Variants in ELOVL7 observed in about 807,000 individuals in gnomAD.
ELOVL7 encodes the protein very long chain fatty acid elongase 7.
In ELOVL7, 27 loss-of-function variants were observed where a neutral mutation model predicts 35.7. The observed-to-expected ratio is 0.76, with a 90% CI of 0.56 to 1.04. The LOEUF (loss-of-function observed/expected upper bound fraction) is 1.04, where lower values mean the gene tolerates loss of function less well. Among genes scored for constraint, ELOVL7 ranks in the 50% least tolerant of loss-of-function variants. The probability of loss-of-function intolerance (pLI) is 0.00; values close to 1 mark genes in which losing one functional copy is unlikely to be tolerated. For synonymous variants in ELOVL7, 113 were observed against 114.6 expected, an observed-to-expected ratio of 0.99 and a Z score of 0.09; for missense variants, 327 against 340.8, an observed-to-expected ratio of 0.96 and a Z score of 0.32.
intron 1 of ELOVL7, among the ~76,000 whole-genome samples, chr5:60,821,936 A>C (rs1328124564): frequency 6.6e-6 from 1 of 152,232 alleles, no homozygotes; most frequent in Non-Finnish European, 1.5e-5. Flanking sequence ...GATAGGGAAA[A>C]AAAGAAAAAA....
intron 1 of ELOVL7, among the ~76,000 whole-genome samples, chr5:60,800,992 G>C (rs769140149): frequency 6.6e-6 from 1 of 152,124 alleles, no homozygotes; most frequent in Non-Finnish European, 1.5e-5. Flanking sequence ...CAGTGGCATG[G>C]TCATGACTCA....
rs140931691 is a variant in ELOVL7 at position 60,827,454 on chromosome 5, A to G, written c.-86+16706T>C. ...CCCTATAAAAGCTGTCATGTCAAAT[A>G]TTTACAAATATCTTTCTAGGTAAAC... On this transcript the variant is annotated intron_variant, in intron 1 of 8. Coordinates refer to ENST00000508821, the MANE Select transcript of ELOVL7 (RefSeq NM_024930.3). Among the ~76,000 whole-genome samples, 482 of 152,314 alleles carry G rather than the reference A, an allele frequency of 3.2e-3. 1 individual carries two copies. Among genetic ancestry groups the G allele is most frequent in the Middle Eastern group, 0.01 (3 of 294 alleles).
Position 60,808,648 on chromosome 5 carries a change from T to C in ELOVL7, c.-85-9418A>G, listed in dbSNP as rs1019033531. On this transcript the variant is annotated intron_variant, in intron 1 of 8. Coordinates refer to ENST00000508821, the MANE Select transcript of ELOVL7 (RefSeq NM_024930.3). ...TTAACCCAAGACAAAGAAATACTTATATTCATTCCAAAACTTGTACATGAA... is the reference window on the plus strand; with the variant it reads ...TTAACCCAAGACAAAGAAATACTTACATTCATTCCAAAACTTGTACATGAA... 6.6e-5 allele frequency among the ~76,000 whole-genome samples: 10 copies of C among 152,228 alleles called. 1 individual carries two copies. The highest frequency in any genetic ancestry group is 1.2e-4 in the Non-Finnish European group (8 of 68,052).
At chr5:60,832,356 T>C (rs1746527226) in intron 1 of ELOVL7, among the ~76,000 whole-genome samples, 1 of 152,128 alleles carries the variant, frequency 6.6e-6, no homozygotes, top group African/African-American at 2.4e-5. Flanking sequence ...ACCTAAGGAT[T>C]GGGGATTGAT....
At chr5:60,807,295 C>G (rs1036084200) in intron 1 of ELOVL7, among the ~76,000 whole-genome samples, 1 of 152,116 alleles carries the variant, frequency 6.6e-6, no homozygotes, top group Non-Finnish European at 1.5e-5. Flanking sequence ...ATGAATCTTG[C>G]TATGAATATT....
At chr5:60,772,400 G>C (rs541995486) in intron 3 of ELOVL7, among the ~76,000 whole-genome samples, 1 of 152,152 alleles carries the variant, frequency 6.6e-6, no homozygotes, top group Non-Finnish European at 1.5e-5. Flanking sequence ...ACAATGAGAA[G>C]ATGGCAGTCT....
rs1561442323 is a variant in ELOVL7, at chr5:60,787,323, TG to T, written c.64+10del. On this transcript the variant is annotated intron_variant, in intron 3 of 8. Coordinates refer to ENST00000508821, the MANE Select transcript of ELOVL7 (RefSeq NM_024930.3). Reference sequence around the variant, plus strand: ...AAGGATGAACCTCAATTAGGAAATGTGGTTACTCACCAGCATCTTTGATCCA... The same window carrying T: ...AAGGATGAACCTCAATTAGGAAATGTGTTACTCACCAGCATCTTTGATCCA... 1 of 1,584,430 alleles carries T rather than the reference TG, an allele frequency of 6.3e-7. No individual in the cohort carries two copies. The highest frequency in any genetic ancestry group is 8.6e-7 in the Non-Finnish European group (1 of 1,165,900).
At chr5:60,775,073 A>G (rs571358163) in intron 3 of ELOVL7, among the ~76,000 whole-genome samples, 54 of 152,246 alleles carry the variant, frequency 3.5e-4, no homozygotes, top group South Asian at 1.0e-3. Flanking sequence ...CAAAACTCTT[A>G]TATTTGATAA....
intron 2 of ELOVL7, among the ~76,000 whole-genome samples, chr5:60,795,836 C>T (rs532474867): frequency 5.0e-5 from 5 of 99,012 alleles, no homozygotes; most frequent in Admixed American, 1.9e-4. Flanking sequence ...CCGTGACCCA[C>T]GGCTTCTAAA....
intron 1 of ELOVL7, chr5:60,843,320 C>A (rs1747293100): frequency 6.6e-6 from 1 of 152,214 alleles, no homozygotes; most frequent in Admixed American, 6.5e-5. Context: ...AAGTTTGAAA[C>A]AGCTCTGACT....
chr5:60,837,326 T>TGGGGGGGGGGGG (rs1471299589), intron 1 of ELOVL7, among the ~76,000 whole-genome samples: 1 of 25,042 alleles, frequency 4.0e-5, no homozygotes, highest in African/African-American at 1.5e-4. Flanking sequence ...GGGGGGGGAG[T>TGGGGGGGGGGGG]GGGGGGTGGG....
intron 7 of ELOVL7, among the ~76,000 whole-genome samples, chr5:60,760,282 G>A (rs545902912): frequency 6.8e-4 from 104 of 152,114 alleles, no homozygotes; most frequent in East Asian, 1.2e-3. Flanking sequence ...CTATTTCTTC[G>A]CATCCTCTCC....
chr5:60,791,696 A>G (rs942213628), intron 2 of ELOVL7, among the ~76,000 whole-genome samples: 2 of 152,084 alleles, frequency 1.3e-5, no homozygotes, highest in Non-Finnish European at 2.9e-5. Flanking sequence ...ATGTCTTCCA[A>G]TTGTCTTAGT....
In ELOVL7 at chr5:60,754,258, T is replaced by C. The variant is rs1377540723; in HGVS notation, c.*366A>G. ...ATCTATTTTATCACATGGATCTCCG[T>C]CTGTGCTCAAAATACCTAATGATAT... On this transcript the variant is annotated 3_prime_UTR_variant, in exon 9 of 9. Coordinates refer to ENST00000508821, the MANE Select transcript of ELOVL7 (RefSeq NM_024930.3). 1 of 193,160 alleles carries C rather than the reference T, an allele frequency of 5.2e-6. No homozygotes were observed. The highest frequency in any genetic ancestry group is 1.1e-5 in the Non-Finnish European group (1 of 92,710). The allele number at this position is 193,160 out of a possible 1,614,324, so 12.0% of individuals were successfully genotyped here.
chr5:60,772,318 G>T (rs910960356), intron 3 of ELOVL7, among the ~76,000 whole-genome samples: 1 of 152,092 alleles, frequency 6.6e-6, no homozygotes, highest in African/African-American at 2.4e-5. Flanking sequence ...CTGATCGCCT[G>T]CATGATGGTA....
chr5:60,821,523 G>C (rs1489634073), intron 1 of ELOVL7, among the ~76,000 whole-genome samples: 1 of 152,144 alleles, frequency 6.6e-6, no homozygotes. Context: ...CGGCTGGCTG[G>C]GAAGCCTAGC....
intron 1 of ELOVL7, among the ~76,000 whole-genome samples, chr5:60,807,922 C>A (rs1745026413): frequency 6.8e-6 from 1 of 146,100 alleles, no homozygotes; most frequent in Non-Finnish European, 1.5e-5. Context: ...TGGTGTGAAC[C>A]CGGGAGGCAG....
intron 7 of ELOVL7, among the ~76,000 whole-genome samples, chr5:60,758,771 G>A (rs149003281): frequency 2.0e-3 from 302 of 152,286 alleles, no homozygotes; most frequent in Non-Finnish European, 3.4e-3. Context: ...TTCCTAAGAC[G>A]ACAATCTGGA....
chr5:60,807,856 G>A (rs901633355), intron 1 of ELOVL7, among the ~76,000 whole-genome samples: 4 of 151,566 alleles, frequency 2.6e-5, no homozygotes, highest in East Asian at 1.9e-4. Context: ...AAAGTTAGCC[G>A]GGCATGGTGG....
Sources: gnomAD v4.1 joint callset for allele counts (sites outside exome capture counted in the v4.1 genomes callset) on GRCh38, gnomAD v4.1.1 for gene constraint, MANE v1.5 for transcripts, NCBI Gene and HGNC (gene_info 2026-07-23, HGNC 2026-07-21) for gene names.